Variants in MATK observed in about 807,000 individuals in gnomAD.
MATK encodes the protein megakaryocyte-associated tyrosine-protein kinase.
Under a neutral mutation model 59.8 loss-of-function variants are expected in MATK, and 41 were observed. The observed-to-expected ratio is 0.69, with a 90% CI of 0.53 to 0.89. The LOEUF (loss-of-function observed/expected upper bound fraction) is 0.89, where lower values mean the gene tolerates loss of function less well. Among genes scored for constraint, MATK ranks in the 40% least tolerant of loss-of-function variants. The pLI is 0.00. For synonymous variants in MATK, 308 were observed against 306.1 expected, an observed-to-expected ratio of 1.01 and a Z score of -0.06; for missense variants, 593 against 719.6, an observed-to-expected ratio of 0.82 and a Z score of 2.01.
chr19:3,784,786 G>C lies in MATK; in HGVS notation c.132+39C>G, dbSNP rs1184421216. Reference sequence around the variant, plus strand: ...TCAGGGTGTGGACGGAGTTGAAGAAGGACCCGGGGAGCAGAGGAAGCAGGC... The same window carrying C: ...TCAGGGTGTGGACGGAGTTGAAGAACGACCCGGGGAGCAGAGGAAGCAGGC... On this transcript the variant is annotated intron_variant, in intron 3 of 13. Transcript: ENST00000310132. 3 of 1,499,692 alleles carry C rather than the reference G, an allele frequency of 2.0e-6. No homozygotes were observed. In the East Asian group the frequency reaches 7.4e-5, roughly 37 times the overall value. The allele number at this position is 1,499,692 out of a possible 1,614,324, so 92.9% of individuals were successfully genotyped here.
chr19:3,787,014 A>C (rs995782807), upstream of MATK, among the ~76,000 whole-genome samples: 5 of 152,018 alleles, frequency 3.3e-5, no homozygotes, highest in East Asian at 9.8e-4. Context: ...CACCTCACAG[A>C]ACAGTTTGAT....
Position 3,778,442 on chromosome 19 carries a change from G to A in MATK, c.1285-20C>T. ...CAGTGACTGCGGACAGCAGGCGTGG[G>A]CAGGGGTCAGGGCCACAGCCTCTGG... is the stretch of plus-strand genomic sequence containing the variant. On this transcript the variant is annotated intron_variant, in intron 13 of 13. Transcript: ENST00000310132. 2 of 1,613,456 alleles carry A rather than the reference G, an allele frequency of 1.2e-6. No individual in the cohort carries two copies. The highest frequency in any genetic ancestry group is 1.7e-6 in the Non-Finnish European group (2 of 1,179,942).
In MATK at chr19:3,781,653, C is replaced by T. The variant is rs1439281986; in HGVS notation, c.696G>A (p.Leu232=). ...ELARAGWLLN[L]QHLTLGAQIG... Reference sequence around the variant, plus strand: ...TCTGTGCTCCCAATGTCAAATGCTGCAGGTTCAGTAACCAGCCCGCTGTGG... The same window carrying T: ...TCTGTGCTCCCAATGTCAAATGCTGTAGGTTCAGTAACCAGCCCGCTGTGG... Residue 232 remains leucine, a synonymous_variant, in exon 8 of 14, where the codon CTG becomes CTA. Transcript: ENST00000310132. 1 of 1,613,714 alleles carries T rather than the reference C, an allele frequency of 6.2e-7. No individual in the cohort carries two copies. Among genetic ancestry groups the T allele is most frequent in the Non-Finnish European group, 8.5e-7 (1 of 1,179,942 alleles).
Position 3,784,121 on chromosome 19 carries a change from C to T in MATK, c.362+3G>A. The T allele has an allele frequency of 1.9e-6, 3 of 1,605,394 alleles. No individual in the cohort carries two copies. The highest frequency in any genetic ancestry group is 2.6e-6 in the Non-Finnish European group (3 of 1,174,536). On this transcript the variant is annotated splice_donor_region_variant and intron_variant, in intron 5 of 13. Transcript: ENST00000310132. ...ACCCCAGGCCCCTGTCCTGCCCACTCACGGCATGAGGCTGAGCTTGGGGTC... is the reference window on the plus strand; with the variant it reads ...ACCCCAGGCCCCTGTCCTGCCCACTTACGGCATGAGGCTGAGCTTGGGGTC...
At chr19:3,778,729 C>T (rs1048402763) in intron 12 of MATK, 134 bp from the exon 13 acceptor site, 3 of 1,030,386 alleles carry the variant, frequency 2.9e-6, no homozygotes, top group Admixed American at 2.1e-5. Flanking sequence ...CCCAACGCCG[C>T]CCGCAGTTGA....
intron 1 of MATK, among the ~76,000 whole-genome samples, chr19:3,801,040 A>G (rs2037638614): frequency 6.6e-6 from 1 of 151,902 alleles, no homozygotes; most frequent in Non-Finnish European, 1.5e-5. Flanking sequence ...TTGTATTTTT[A>G]GTACAGACGG....
At chr19:3,795,312 A>G (rs540481520) in intron 1 of MATK, among the ~76,000 whole-genome samples, 235 of 135,272 alleles carry the variant, frequency 1.7e-3, no homozygotes, top group African/African-American at 6.2e-3. Context: ...TCACTCTGTT[A>G]CCCAGGCTGG....
At chr19:3,794,268 T>G (rs2037571897) in intron 1 of MATK, among the ~76,000 whole-genome samples, 1 of 152,164 alleles carries the variant, frequency 6.6e-6, no homozygotes, top group African/African-American at 2.4e-5. Flanking sequence ...ATCTTCCTAA[T>G]GAGGGTAACG....
rs1568407978 is a variant in MATK, at chr19:3,785,046, T to C, written c.72+18A>G. The C allele has an allele frequency of 1.2e-6, 2 of 1,611,898 alleles. No homozygotes were observed. Among genetic ancestry groups the C allele is most frequent in the Non-Finnish European group, 1.7e-6 (2 of 1,178,074 alleles). ...CCAGAACTGGCTCCCCAAGCCCCTG[T>C]GGGGAAGTGATCTTTACCCGGGGAA... is the stretch of plus-strand genomic sequence containing the variant. On this transcript the variant is annotated intron_variant, in intron 2 of 13. Coordinates refer to ENST00000310132, the MANE Select transcript of MATK (RefSeq NM_139355.3).
chr19:3,790,544 A>C (rs1421011936), upstream of MATK, among the ~76,000 whole-genome samples: 1 of 152,156 alleles, frequency 6.6e-6, no homozygotes, highest in Admixed American at 6.5e-5. Context: ...AGAGCCTAAA[A>C]TGCTCAGCCT....
intron 1 of MATK, among the ~76,000 whole-genome samples, chr19:3,793,950 C>T (rs2037568556): frequency 6.6e-6 from 1 of 152,162 alleles, no homozygotes; most frequent in African/African-American, 2.4e-5. Context: ...TTTGTCACCT[C>T]TGCGGTCCAG....
In MATK at chr19:3,784,259, G is replaced by T. The variant is rs751359107; in HGVS notation, c.247-20C>A. 1.9e-6 allele frequency: 3 copies of T among 1,605,266 alleles called. No individual in the cohort carries two copies. The highest frequency in any genetic ancestry group is 2.6e-6 in the Non-Finnish European group (3 of 1,173,820). ...CTTGTTCTGCCAGGGAGGAAGCACG[G>T]GGTTAGTGTGGGGGGTGTGGGGGTG... On this transcript the variant is annotated intron_variant, in intron 4 of 13. Coordinates refer to ENST00000310132, the MANE Select transcript of MATK (RefSeq NM_139355.3).
chr19:3,786,749 CAAA>C (rs372943335), upstream of MATK, among the ~76,000 whole-genome samples: 1 of 149,528 alleles, frequency 6.7e-6, no homozygotes, highest in Non-Finnish European at 1.5e-5. The surrounding 1 kb of genome is among the most constrained non-coding windows in gnomAD (Gnocchi z 4.1). Context: ...TGGTGGTTGA[CAAA>C]AAAAAAGCTT....
At chr19:3,784,944 C>T in intron 2 of MATK, 60 bp from the exon 3 acceptor site, 1 of 1,422,440 alleles carries the variant, frequency 7.0e-7, no homozygotes. Flanking sequence ...CAGTTCCTAC[C>T]ACTTCCAGCC....
Position 3,800,013 on chromosome 19 carries a change from G to C in MATK, c.-58+1519C>G, listed in dbSNP as rs527758211. On this transcript the variant is annotated intron_variant, in intron 1 of 13. Coordinates refer to the MATK transcript ENST00000395045. The stretch of plus-strand genomic sequence containing the variant: ...AAAAATTAGCTGGGTGTGGTTGCAG[G>C]CGCCTGTAGTCCCAGCTACTCGGGA... Among the ~76,000 whole-genome samples, 737 of 151,768 alleles carry C rather than the reference G, an allele frequency of 4.9e-3. 6 individuals are homozygous for C. The highest frequency in any genetic ancestry group is 0.017 in the African/African-American group (683 of 41,392).
chr19:3,788,137 ATTAT>A (rs1481559804), upstream of MATK, among the ~76,000 whole-genome samples: 1 of 145,288 alleles, frequency 6.9e-6, no homozygotes. Flanking sequence ...ATTATATTAT[ATTAT>A]ATTATATACC....
At chr19:3,798,803 T>C (rs931832034) in intron 1 of MATK, among the ~76,000 whole-genome samples, 16 of 150,618 alleles carry the variant, frequency 1.1e-4, no homozygotes, top group Non-Finnish European at 2.2e-4. Context: ...TGAGCCACCG[T>C]GCCCGGCCTG....
intron 8 of MATK, 124 bp from the exon 9 acceptor site, chr19:3,779,921 G>C: frequency 1.5e-6 from 1 of 684,876 alleles, no homozygotes; most frequent in East Asian, 2.6e-5. Context: ...CGGGTCCCCA[G>C]ACCTTGAAAC....
At chr19:3,780,593 ATTT>A (rs753906037) in intron 8 of MATK, among the ~76,000 whole-genome samples, 11 of 122,228 alleles carry the variant, frequency 9.0e-5, no homozygotes, top group East Asian at 2.4e-4. Flanking sequence ...CGCCCGGCTA[ATTT>A]TTTTTTTTTT....
Sources: allele counts gnomAD v4.1 joint callset (sites outside exome capture counted in the v4.1 genomes callset), GRCh38; gene constraint gnomAD v4.1.1; non-coding constraint Gnocchi (gnomAD v3.1); transcripts MANE v1.5; gene names NCBI Gene and HGNC (gene_info 2026-07-23, HGNC 2026-07-21).